BCL6: variants seen among roughly 807,000 people sequenced by gnomAD.
BCL6 encodes the protein B-cell lymphoma 6 protein.
Under a neutral mutation model 59.5 loss-of-function variants are expected in BCL6, and 7 were observed. The observed-to-expected ratio is 0.12, with a 90% CI of 0.07 to 0.22. The LOEUF (loss-of-function observed/expected upper bound fraction) is 0.22, where lower values mean the gene tolerates loss of function less well. BCL6 is among the 10% of genes least tolerant of loss of function. The pLI is 1.00. For missense variants in BCL6, 685 were observed against 939.4 expected (o/e 0.73, Z 3.54); for synonymous variants, 339 against 349.7 (o/e 0.97, Z 0.34).
At chr3:187,744,125 G>A (rs1711750838) in intron 1 of BCL6, among the ~76,000 whole-genome samples, 1 of 152,172 alleles carries the variant, frequency 6.6e-6, no homozygotes, top group African/African-American at 2.4e-5. Flanking sequence ...TGCACCATGG[G>A]AAAAAATAAA....
At position 187,726,869 on chromosome 3, in the gene BCL6, C is replaced by G. The variant is rs1316988931; in HGVS notation, c.1570G>C (p.Asp524His). 26 of 1,614,026 alleles carry G rather than the reference C, an allele frequency of 1.6e-5. No homozygotes were observed. The highest frequency in any genetic ancestry group is 2.1e-5 in the Non-Finnish European group (25 of 1,180,038). ...ENGAFFCNEC[D>H]CRFSEEASLK... ...GAGGCCTCCTCAGAGAAGCGGCAGT[C>G]ACACTCATTGCAGAAGAAGGCCCCG... is the stretch of plus-strand genomic sequence containing the variant. The change falls in exon 7 of 10, where the codon GAC becomes CAC. Residue 524 changes from aspartate (D) to histidine (H), a missense_variant. Around this residue, in one of 7 missense-constraint regions of BCL6, gnomAD observed 207 missense variants for 213.7 expected, o/e 0.97. Transcript: ENST00000406870.
intron 1 of BCL6, among the ~76,000 whole-genome samples, chr3:187,744,411 C>T (rs1711776445): frequency 6.6e-6 from 1 of 151,934 alleles, no homozygotes; most frequent in African/African-American, 2.4e-5. Context: ...ACTCCCTCGA[C>T]TACAACCAAG....
chr3:187,723,434 T>C (rs1185043841), intron 9 of BCL6, among the ~76,000 whole-genome samples: 1 of 152,248 alleles, frequency 6.6e-6, no homozygotes, highest in Non-Finnish European at 1.5e-5. Flanking sequence ...GTACGAACTT[T>C]AGCTTATAAT....
At chr3:187,744,940 C>T (rs563030522) in intron 1 of BCL6, among the ~76,000 whole-genome samples, 3 of 152,168 alleles carry the variant, frequency 2.0e-5, no homozygotes, top group Admixed American at 6.5e-5. Flanking sequence ...TCTCCGCGGT[C>T]TGGGGCCAGA....
chr3:187,737,274 G>A (rs1719322245), intron 1 of BCL6: 1 of 146,514 alleles, frequency 6.8e-6, no homozygotes. Flanking sequence ...CTTTAAAAGA[G>A]CTTTCCATTG....
At chr3:187,726,976 G>T (rs1314882503) in intron 6 of BCL6, 78 bp from the exon 7 acceptor site, 17 of 1,504,014 alleles carry the variant, frequency 1.1e-5, no homozygotes, top group African/African-American at 1.4e-5. Flanking sequence ...CTCCTCTGTA[G>T]CTACCCCTTG....
intron 1 of BCL6, among the ~76,000 whole-genome samples, chr3:187,744,827 T>C (rs544401855): frequency 6.6e-6 from 1 of 152,040 alleles, no homozygotes; most frequent in African/African-American, 2.4e-5. Context: ...GAAAGCAGTT[T>C]GCAAGCGAGA....
chr3:187,732,149 CTATCACT>C (rs994534403), intron 3 of BCL6, among the ~76,000 whole-genome samples: 1 of 152,176 alleles, frequency 6.6e-6, no homozygotes, highest in African/African-American at 2.4e-5. Context: ...AAGGTAGGTA[CTATCACT>C]CTCTGCCTTT....
intron 1 of BCL6, among the ~76,000 whole-genome samples, chr3:187,744,909 C>T (rs535694920): frequency 8.5e-5 from 13 of 152,170 alleles, no homozygotes; most frequent in East Asian, 5.8e-4. Flanking sequence ...GCAGAAAGAG[C>T]GAGAGCGCGA....
rs1342721212 is a variant in BCL6 at position 187,725,728 on chromosome 3, A to G, written c.1709-99T>C. On this transcript the variant is annotated intron_variant, in intron 7 of 9. Transcript: ENST00000406870. This position sits in a 1 kb window ranked among gnomAD's most constrained non-coding sequence, Gnocchi z 4.7. ...TTTCTAAGCAGCCTGCTCCTCCCTG[A>G]GGCCACTTGTGTTTTCCTTTCCCTT... The G allele has an allele frequency of 4.8e-6, 7 of 1,452,530 alleles. No homozygotes were observed. The highest frequency in any genetic ancestry group is 6.6e-6 in the Non-Finnish European group (7 of 1,064,674). 90.0% of individuals were successfully genotyped at this position (1,452,530 alleles called of 1,614,324 possible).
intron 1 of BCL6, among the ~76,000 whole-genome samples, chr3:187,744,602 A>C (rs568635687): frequency 6.6e-6 from 1 of 152,226 alleles, no homozygotes; most frequent in African/African-American, 2.4e-5. Flanking sequence ...AAACCCAAAG[A>C]GTTCGCTTGC....
chr3:187,743,061 T>C (rs1464289392), intron 1 of BCL6, among the ~76,000 whole-genome samples: 2 of 151,470 alleles, frequency 1.3e-5, no homozygotes, highest in Admixed American at 6.6e-5. Context: ...CACACACACC[T>C]TGCAAAGAAA....
At chr3:187,724,708 C>G in intron 9 of BCL6, 1 of 562,568 alleles carries the variant, frequency 1.8e-6, no homozygotes, top group Non-Finnish European at 3.1e-6. Flanking sequence ...CCCATACCCT[C>G]ATTTTAAAGA....
At chr3:187,745,051 C>T (rs2108485053) in intron 1 of BCL6, among the ~76,000 whole-genome samples, 3 of 151,990 alleles carry the variant, frequency 2.0e-5, no homozygotes, top group Middle Eastern at 3.4e-3. Flanking sequence ...ACCTCCTTTC[C>T]AAAAACCAAA....
rs1480015462 is a variant in BCL6 at position 187,722,432 on chromosome 3, A to G, written c.*26T>C. ...TGGGTAGATTCTGAGAAGGGGCTGGAGACGAAAGCATCAACACTCCATGCT... is the reference window on the plus strand; with the variant it reads ...TGGGTAGATTCTGAGAAGGGGCTGGGGACGAAAGCATCAACACTCCATGCT... On this transcript the variant is annotated 3_prime_UTR_variant, in exon 10 of 10. Coordinates refer to ENST00000406870, the MANE Select transcript of BCL6 (RefSeq NM_001706.5). 6.2e-7 allele frequency: 1 copy of G among 1,600,290 alleles called. No homozygotes were observed. Among genetic ancestry groups the G allele is most frequent in the Non-Finnish European group, 8.5e-7 (1 of 1,173,594 alleles).
chr3:187,733,096 C>G (rs1310163286), intron 3 of BCL6, among the ~76,000 whole-genome samples: 1 of 152,162 alleles, frequency 6.6e-6, no homozygotes, highest in Non-Finnish European at 1.5e-5. Flanking sequence ...CTTGCATATA[C>G]TCTGAACACC....
At chr3:187,745,231 T>A (rs559793096) in intron 1 of BCL6, among the ~76,000 whole-genome samples, 179 bp downstream of exon 1, 1 of 152,148 alleles carries the variant, frequency 6.6e-6, no homozygotes, top group Middle Eastern at 3.4e-3. Context: ...AATATATACA[T>A]TTATATCAAT....
At chr3:187,742,009 T>C (rs1711617864) in intron 1 of BCL6, among the ~76,000 whole-genome samples, 2 of 152,068 alleles carry the variant, frequency 1.3e-5, no homozygotes, top group South Asian at 4.1e-4. Context: ...CCACGTTGCC[T>C]ATTATAACAC....
intron 1 of BCL6, among the ~76,000 whole-genome samples, chr3:187,739,362 C>T (rs142348480): frequency 0.012 from 1,771 of 152,300 alleles, 34 homozygotes; most frequent in African/African-American, 0.041. Context: ...CCACCGTGGT[C>T]CGGCGGCAGG....
Sources: gnomAD v4.1 joint callset for allele counts (sites outside exome capture counted in the v4.1 genomes callset) on GRCh38, gnomAD v4.1.1 for gene constraint, gnomAD v4.1.1 regional missense constraint, Gnocchi (gnomAD v3.1) non-coding constraint, MANE v1.5 for transcripts, NCBI Gene and HGNC (gene_info 2026-07-23, HGNC 2026-07-21) for gene names.